The following CTDP1 variants were observed in gnomAD, a reference collection of about 807,000 sequenced individuals.
CTDP1 encodes the protein RNA polymerase II subunit A C-terminal domain phosphatase.
Under a neutral mutation model 91.8 loss-of-function variants are expected in CTDP1, and 47 were observed. That is an observed-to-expected ratio of 0.51 (90% CI 0.41 to 0.65). The LOEUF (loss-of-function observed/expected upper bound fraction) is 0.65. Among genes scored for constraint, CTDP1 ranks in the 30% least tolerant of loss-of-function variants. The pLI is 0.00. For missense variants in CTDP1, 1,272 were observed against 1,373.7 expected, an observed-to-expected ratio of 0.93 and a Z score of 1.17; for synonymous variants, 656 against 598.5, an observed-to-expected ratio of 1.10 and a Z score of -1.40.
rs376324062 is a variant in CTDP1, at chr18:79,743,357, C to T, written c.2747+6836C>T. The stretch of plus-strand genomic sequence containing the variant: ...CCTGGGCAACATGGTGAAACCCCAT[C>T]TCTACTAAAATACAAAAAATTAGCT... On this transcript the variant is annotated intron_variant, in intron 12 of 12. Coordinates refer to ENST00000613122, the MANE Select transcript of CTDP1 (RefSeq NM_004715.5). Among the ~76,000 whole-genome samples, 307 of 152,204 alleles carry T rather than the reference C, an allele frequency of 2.0e-3. 11 individuals carry two copies. In the South Asian group the frequency reaches 0.062, roughly 31 times the overall value.
In CTDP1 at chr18:79,736,449, G is replaced by T. The variant is rs573300127; in HGVS notation, c.2675G>T (p.Gly892Val). The T allele has an allele frequency of 5.8e-6, 9 of 1,549,220 alleles. No individual in the cohort carries two copies. The East Asian group carries it at 2.2e-4, about 38-fold the overall frequency. Residue 892 changes from glycine to valine, a missense_variant, in exon 12 of 13, where the codon GGG becomes GTG. By Grantham distance (109) the Gly-to-Val change is moderately radical. Around this residue, in one of 3 missense-constraint regions of CTDP1, gnomAD observed 881 missense variants for 911.6 expected, o/e 0.97. Coordinates refer to ENST00000613122, the MANE Select transcript of CTDP1 (RefSeq NM_004715.5). ...GAGGAGCCCCAGCCCCGGAAGCCAGGGACCCGCAGGGAGCGGACGCTCGGG... is the reference window on the plus strand; with the variant it reads ...GAGGAGCCCCAGCCCCGGAAGCCAGTGACCCGCAGGGAGCGGACGCTCGGG... Reference protein sequence around the residue: ...QEEEPQPRKPGTRRERTLGAP... With the variant: ...QEEEPQPRKPVTRRERTLGAP...
rs145376233 is a variant in CTDP1, at chr18:79,692,577, C to A, written c.315-2648C>A. Among the ~76,000 whole-genome samples, 71 of 152,362 alleles carry A rather than the reference C, an allele frequency of 4.7e-4. 1 individual carries two copies. The East Asian group carries it at 9.3e-3, about 20-fold the overall frequency. On this transcript the variant is annotated intron_variant, in intron 1 of 12. Transcript: ENST00000613122. ...GTTTAGGAGAGATTGGCAAAATCCT[C>A]CTAGTTCATATTTGAGGATTCCTTT...
intron 8 of CTDP1, 133 bp from the exon 9 acceptor site, chr18:79,717,402 G>A: frequency 7.7e-7 from 1 of 1,302,960 alleles, no homozygotes; most frequent in East Asian, 2.4e-5. Flanking sequence ...GGCCCTGGTG[G>A]GATGCAGCCG....
intron 11 of CTDP1, among the ~76,000 whole-genome samples, chr18:79,735,445 G>A (rs927398297): frequency 1.2e-4 from 19 of 152,356 alleles, no homozygotes; most frequent in East Asian, 3.9e-4. Flanking sequence ...GGGAGCCCCC[G>A]GGAGAGCTGC....
Position 79,679,861 on chromosome 18 carries a change from C to T in CTDP1, c.-87C>T. 8.1e-7 allele frequency: 1 copy of T among 1,237,128 alleles called. No homozygotes were observed. Among genetic ancestry groups the T allele is most frequent in the Non-Finnish European group, 1.1e-6 (1 of 950,724 alleles). The allele number at this position is 1,237,128 out of a possible 1,614,324, so 76.6% of individuals were successfully genotyped here. Reference sequence around the variant, plus strand: ...GGTACCGAGAGGAACTACAGCGTCGCCGCCTGGGTTGTGTCGCCGCGGTAG... The same window carrying T: ...GGTACCGAGAGGAACTACAGCGTCGTCGCCTGGGTTGTGTCGCCGCGGTAG... On this transcript the variant is annotated 5_prime_UTR_variant, in exon 1 of 13. Transcript: ENST00000613122.
In CTDP1 at chr18:79,694,503, G is replaced by C. The variant is rs1424883631; in HGVS notation, c.315-722G>C. 1.7e-4 allele frequency among the ~76,000 whole-genome samples: 24 copies of C among 140,388 alleles called. 1 individual carries two copies. Among genetic ancestry groups the C allele is most frequent in the African/African-American group, 7.2e-4 (24 of 33,388 alleles). 92.1% of individuals were successfully genotyped at this position (140,388 alleles called of 152,430 possible). On this transcript the variant is annotated intron_variant, in intron 1 of 12. Coordinates refer to ENST00000613122, the MANE Select transcript of CTDP1 (RefSeq NM_004715.5). ...TGGGCGGTCTCATGTCCACGGGGTG[G>C]GGTGGTCGGAGCAGCCCGGCTGGGG...
At chr18:79,707,443 C>T (rs893808944) in intron 5 of CTDP1, among the ~76,000 whole-genome samples, 21 of 152,386 alleles carry the variant, frequency 1.4e-4, no homozygotes, top group African/African-American at 4.8e-4. Flanking sequence ...CGCTTGGCTG[C>T]GGAGAGCCTC....
chr18:79,704,356 A>T (rs1456671056), intron 4 of CTDP1, among the ~76,000 whole-genome samples: 1 of 151,072 alleles, frequency 6.6e-6, no homozygotes, highest in African/African-American at 2.4e-5. Context: ...TCCCACGTGG[A>T]GTGGTGTGTC....
At chr18:79,742,827 G>A (rs1243890915) in intron 12 of CTDP1, among the ~76,000 whole-genome samples, 1 of 152,114 alleles carries the variant, frequency 6.6e-6, no homozygotes, top group African/African-American at 2.4e-5. Context: ...GCATGGTGGT[G>A]CACGCCTGTA....
In CTDP1 at chr18:79,713,050, G is replaced by C; in HGVS notation, c.942G>C (p.Leu314=). 1 of 1,614,124 alleles carries C rather than the reference G, an allele frequency of 6.2e-7. No homozygotes were observed. Among genetic ancestry groups the C allele is most frequent in the Non-Finnish European group, 8.5e-7 (1 of 1,180,016 alleles). The change falls in exon 7 of 13, where the codon CTG becomes CTC. Residue 314 remains leucine (L), a synonymous_variant. Transcript: ENST00000613122. This position sits in a 1 kb window ranked among gnomAD's most constrained non-coding sequence, Gnocchi z 4.7. ...ATGTCTGGAAGTTTGCCCCCAATCT[G>C]ATAACTGTGAAGAAATATGTATACT... is the stretch of plus-strand genomic sequence containing the variant. ...REDVWKFAPN[L]ITVKKYVYFQ...
intron 12 of CTDP1, among the ~76,000 whole-genome samples, chr18:79,746,372 G>GTTCTGACCCTGCGTCCCTCCCGTGCGCA (rs1233608597): frequency 1.1e-4 from 16 of 151,840 alleles, no homozygotes; most frequent in African/African-American, 2.7e-4. Flanking sequence ...TCCCATGCGC[G>GTTCTGACCCTGCGTCCCTCCCGTGCGCA]TTCTGTCCGT....
intron 10 of CTDP1, among the ~76,000 whole-genome samples, chr18:79,722,885 C>T (rs982197479): frequency 2.0e-5 from 3 of 152,138 alleles, no homozygotes; most frequent in Non-Finnish European, 4.4e-5. Flanking sequence ...GGATTGGCCA[C>T]GCCTCTGGTC....
At position 79,717,680 on chromosome 18, in the gene CTDP1, G is replaced by A; in HGVS notation, c.2210+4G>A. 2.5e-6 allele frequency: 4 copies of A among 1,614,020 alleles called. No homozygotes were observed. The highest frequency in any genetic ancestry group is 2.5e-6 in the Non-Finnish European group (3 of 1,179,968). ...ACGATCACACCAAGGCACAGAGGTG[G>A]GTCCTCGCTGCACCCAGCAGGTCCG... On this transcript the variant is annotated splice_donor_region_variant and intron_variant, in intron 9 of 12. Transcript: ENST00000613122.
chr18:79,686,829 CCTGCACCGCAGCAGTTGGCTTCGT>C (rs1159387114), intron 1 of CTDP1, among the ~76,000 whole-genome samples: 2 of 151,356 alleles, frequency 1.3e-5, no homozygotes, highest in African/African-American at 4.9e-5. Context: ...CACTGGTGGG[CCTGCACCGCAGCAGTTGGCTTCGT>C]CAGTTCACTG....
intron 12 of CTDP1, among the ~76,000 whole-genome samples, chr18:79,740,986 C>T (rs1243180017): frequency 6.6e-6 from 1 of 152,080 alleles, no homozygotes; most frequent in East Asian, 1.9e-4. Flanking sequence ...GGTGAGGTCC[C>T]CCGTGCGGTT....
At chr18:79,696,677 G>T (rs569214141) in intron 3 of CTDP1, among the ~76,000 whole-genome samples, 8 of 152,288 alleles carry the variant, frequency 5.3e-5, no homozygotes, top group Admixed American at 2.6e-4. Flanking sequence ...GAGCCCATGG[G>T]GGGTACGCAG....
rs138353478 is a variant in CTDP1 at position 79,750,252 on chromosome 18, C to T, written c.2748-3400C>T. On this transcript the variant is annotated intron_variant, in intron 12 of 12. Coordinates refer to ENST00000613122, the MANE Select transcript of CTDP1 (RefSeq NM_004715.5). ...TGGAGTGCAGTGTTGCGGTCATGGCCCAGGCTCACTGCAGCCTCCATTTCC... is the reference window on the plus strand; with the variant it reads ...TGGAGTGCAGTGTTGCGGTCATGGCTCAGGCTCACTGCAGCCTCCATTTCC... 5.7e-3 allele frequency among the ~76,000 whole-genome samples: 857 copies of T among 151,050 alleles called. 10 individuals are homozygous for T. Among genetic ancestry groups the T allele is most frequent in the African/African-American group, 0.019 (788 of 41,150 alleles).
At chr18:79,709,306 G>C (rs542979530) in intron 5 of CTDP1, among the ~76,000 whole-genome samples, 2 of 152,270 alleles carry the variant, frequency 1.3e-5, no homozygotes, top group East Asian at 3.9e-4. Flanking sequence ...AAAAATATGA[G>C]CACTTTACTG....
chr18:79,732,704 C>T (rs989511587), intron 11 of CTDP1, among the ~76,000 whole-genome samples: 12 of 149,118 alleles, frequency 8.0e-5, no homozygotes, highest in African/African-American at 2.5e-4. Flanking sequence ...CTTGAGAACT[C>T]GCTGACATCA....
Sources: gnomAD v4.1 joint callset for allele counts (sites outside exome capture counted in the v4.1 genomes callset) on GRCh38, gnomAD v4.1.1 for gene constraint, gnomAD v4.1.1 regional missense constraint, Gnocchi (gnomAD v3.1) non-coding constraint, MANE v1.5 for transcripts, NCBI Gene and HGNC (gene_info 2026-07-23, HGNC 2026-07-21) for gene names.